The following ARHGEF3 variants were observed in gnomAD, a reference collection of about 807,000 sequenced individuals.
The protein encoded by ARHGEF3 is Rho guanine nucleotide exchange factor 3, also known as 59.8 kDA protein.
Under a neutral mutation model 63.2 loss-of-function variants are expected in ARHGEF3, and 28 were observed. The ratio of observed to expected loss-of-function variants is 0.44; its 90% CI spans 0.33 to 0.61. ARHGEF3 has a LOEUF of 0.61. Ranked by LOEUF, ARHGEF3 falls within the 20% of genes least tolerant of loss-of-function variation. ARHGEF3 has a pLI of 0.03. For missense variants in ARHGEF3, 533 were observed against 659.3 expected (o/e 0.81, Z 2.10); for synonymous variants, 266 against 254.2 (o/e 1.05, Z -0.44).
At chr3:56,947,347 C>G (rs1313016758) in intron 3 of ARHGEF3, among the ~76,000 whole-genome samples, 65 of 152,072 alleles carry the variant, frequency 4.3e-4, no homozygotes, top group Non-Finnish European at 7.4e-4. Context: ...TGGATAAAGA[C>G]TCAAGACCCA....
intron 3 of ARHGEF3, among the ~76,000 whole-genome samples, chr3:56,923,840 G>GA (rs2042213060): frequency 6.6e-6 from 1 of 152,174 alleles, no homozygotes. Context: ...AATCAGAAAG[G>GA]AATCACCAAA....
chr3:56,976,669 T>C (rs1327740350), intron 2 of ARHGEF3, among the ~76,000 whole-genome samples: 1 of 152,208 alleles, frequency 6.6e-6, no homozygotes, highest in East Asian at 1.9e-4. Context: ...AAGCAGTTTA[T>C]TGACTCCAAT....
chr3:56,944,383 C>A (rs1239889148), intron 3 of ARHGEF3, among the ~76,000 whole-genome samples: 1 of 151,962 alleles, frequency 6.6e-6, no homozygotes, highest in Non-Finnish European at 1.5e-5. Context: ...CTGATTCCAA[C>A]CCTCATGGAT....
upstream of ARHGEF3, among the ~76,000 whole-genome samples, chr3:56,805,705 C>T (rs1252556381): frequency 6.6e-6 from 1 of 152,192 alleles, no homozygotes; most frequent in East Asian, 1.9e-4. Context: ...CAGGGCTACA[C>T]AACATATATA....
At chr3:56,873,630 GA>G (rs1405401402) in intron 4 of ARHGEF3, among the ~76,000 whole-genome samples, 1 of 152,004 alleles carries the variant, frequency 6.6e-6, no homozygotes, top group South Asian at 2.1e-4. Flanking sequence ...GGCTGTTCTG[GA>G]ACTCCTGGGC....
chr3:56,790,534 C>T (rs80147017), intron 1 of ARHGEF3, among the ~76,000 whole-genome samples: 1,938 of 152,294 alleles, frequency 0.013, 84 homozygotes, highest in East Asian at 0.12. Context: ...CAAAACCTAA[C>T]ATGATATTGA....
chr3:57,017,298 C>T (rs934750954), intron 2 of ARHGEF3, among the ~76,000 whole-genome samples: 1 of 152,032 alleles, frequency 6.6e-6, no homozygotes, highest in Non-Finnish European at 1.5e-5. Flanking sequence ...AGGCTGATTC[C>T]AGCGCCCAGA....
intron 4 of ARHGEF3, among the ~76,000 whole-genome samples, chr3:56,828,199 G>C (rs1400521088): frequency 6.6e-6 from 1 of 151,984 alleles, no homozygotes. Context: ...GCTACTAAAT[G>C]GTAAAATTTA....
chr3:57,017,001 CTCTG>C (rs1241754153), intron 2 of ARHGEF3, among the ~76,000 whole-genome samples: 3 of 120,116 alleles, frequency 2.5e-5, no homozygotes, highest in Admixed American at 8.5e-5. Context: ...AAAGCTTTCT[CTCTG>C]TCTCTCTCTC....
At chr3:56,969,972 T>C (rs1700837844) in intron 2 of ARHGEF3, among the ~76,000 whole-genome samples, 1 of 152,150 alleles carries the variant, frequency 6.6e-6, no homozygotes. Flanking sequence ...TCCATTTATG[T>C]GAAATGTCCA....
At chr3:56,776,106 C>T (rs558057816) in intron 1 of ARHGEF3, among the ~76,000 whole-genome samples, 1 of 152,320 alleles carries the variant, frequency 6.6e-6, no homozygotes, top group South Asian at 2.1e-4. Context: ...CCAGAGAGCA[C>T]TGCACGCTTG....
At chr3:56,997,183 T>G (rs1231884010) in intron 2 of ARHGEF3, among the ~76,000 whole-genome samples, 3 of 152,078 alleles carry the variant, frequency 2.0e-5, no homozygotes, top group Non-Finnish European at 4.4e-5. Flanking sequence ...CAGCTCAGCC[T>G]CTGATGACCC....
intron 2 of ARHGEF3, among the ~76,000 whole-genome samples, chr3:56,967,010 T>A (rs1479860775): frequency 6.7e-6 from 1 of 150,364 alleles, no homozygotes; most frequent in African/African-American, 2.4e-5. Flanking sequence ...ATTACAGGCA[T>A]GCGCCACCAT....
At chr3:56,904,268 G>T (rs917315756) in intron 3 of ARHGEF3, among the ~76,000 whole-genome samples, 3 of 152,114 alleles carry the variant, frequency 2.0e-5, no homozygotes, top group Non-Finnish European at 4.4e-5. Context: ...CTGGGCTCAG[G>T]CAATCCTCCC....
intron 6 of ARHGEF3, among the ~76,000 whole-genome samples, chr3:56,748,370 C>T (rs2034521316): frequency 6.6e-6 from 1 of 152,052 alleles, no homozygotes; most frequent in Non-Finnish European, 1.5e-5. Flanking sequence ...TTTAGAGAAC[C>T]AAAGCTACTT....
intron 2 of ARHGEF3, among the ~76,000 whole-genome samples, chr3:57,011,593 TCCAAC>T (rs1278094198): frequency 1.3e-5 from 2 of 152,080 alleles, no homozygotes; most frequent in Non-Finnish European, 2.9e-5. Flanking sequence ...CAAAGAATTC[TCCAAC>T]CCAAGGATTC....
At chr3:56,934,932 G>C (rs1486030837) in intron 3 of ARHGEF3, among the ~76,000 whole-genome samples, 1 of 152,282 alleles carries the variant, frequency 6.6e-6, no homozygotes, top group Non-Finnish European at 1.5e-5. Flanking sequence ...GGGCTCCTGA[G>C]TCTGGTGGGG....
At chr3:56,818,862 G>A (rs184202515) in intron 4 of ARHGEF3, among the ~76,000 whole-genome samples, 16 of 152,194 alleles carry the variant, frequency 1.1e-4, no homozygotes, top group Admixed American at 1.0e-3. Flanking sequence ...TGTTTTTGGA[G>A]CTCAAAGGAT....
intron 2 of ARHGEF3, among the ~76,000 whole-genome samples, chr3:56,968,314 A>AAG (rs1560094757): frequency 1.7e-5 from 1 of 59,408 alleles, no homozygotes; most frequent in Non-Finnish European, 3.1e-5. Context: ...ATATATATAA[A>AAG]ATATATTTTA....
Sources: gnomAD v4.1 joint callset for allele counts (sites outside exome capture counted in the v4.1 genomes callset) on GRCh38, gnomAD v4.1.1 for gene constraint, MANE v1.5 for transcripts, NCBI Gene and HGNC (gene_info 2026-07-23, HGNC 2026-07-21) for gene names.